BANP: variants seen among roughly 807,000 people sequenced by gnomAD.
BANP encodes the protein BTG3 associated nuclear protein.
BANP carries 11 observed loss-of-function variants against 68.1 expected under a neutral mutation model. That is an observed-to-expected ratio of 0.16 (90% CI 0.10 to 0.27). The LOEUF is 0.27. Ranked by LOEUF, BANP falls within the 10% of genes least tolerant of loss-of-function variation. The pLI, the probability that BANP is intolerant of heterozygous loss-of-function variation, is 1.00. For synonymous variants in BANP, 329 were observed against 303.2 expected, an observed-to-expected ratio of 1.09 and a Z score of -0.88; for missense variants, 504 against 722.7, an observed-to-expected ratio of 0.70 and a Z score of 3.47.
chr16:87,951,672 C>T (rs2056893637), intron 1 of BANP, among the ~76,000 whole-genome samples, 157 bp downstream of exon 1: 1 of 148,104 alleles, frequency 6.8e-6, no homozygotes, highest in Admixed American at 6.7e-5. Flanking sequence ...GCGATCGCCC[C>T]CCGGGCCCCG....
chr16:88,054,044 CCATCAT>C (rs373608000), intron 11 of BANP, among the ~76,000 whole-genome samples: 9 of 91,378 alleles, frequency 9.8e-5, no homozygotes, highest in African/African-American at 3.0e-4. Flanking sequence ...ACTGTCATCT[CCATCAT>C]CATCATCACC....
At chr16:87,997,219 A>G (rs1362705479) in intron 4 of BANP, among the ~76,000 whole-genome samples, 1 of 152,206 alleles carries the variant, frequency 6.6e-6, no homozygotes, top group South Asian at 2.1e-4. Flanking sequence ...TCAGCCTCCC[A>G]AAGTGTTGGG....
intron 6 of BANP, among the ~76,000 whole-genome samples, chr16:88,016,461 T>TC (rs1317742059): frequency 6.6e-6 from 1 of 152,028 alleles, no homozygotes; most frequent in African/African-American, 2.4e-5. Context: ...TGTTTCCCCT[T>TC]CCCCTCCCCA....
rs2070420456 is a variant in BANP, at chr16:88,004,619, G to T, written c.479+208G>T. ...AATGCTGAGTCCAGCCACACCAGGG[G>T]CAGCTGCCGCCGGGGACTTCTGTGT... On this transcript the variant is annotated intron_variant, in intron 5 of 13. Transcript: ENST00000682872. The surrounding 1 kb of genome is among the most constrained non-coding windows in gnomAD (Gnocchi z 7.0). Among the ~76,000 whole-genome samples, 1 of 152,178 alleles carries T rather than the reference G, an allele frequency of 6.6e-6. No homozygotes were observed. The highest frequency in any genetic ancestry group is 2.4e-5 in the African/African-American group (1 of 41,424).
chr16:88,049,686 C>G (rs532543321), intron 11 of BANP, among the ~76,000 whole-genome samples: 2 of 152,288 alleles, frequency 1.3e-5, no homozygotes, highest in Non-Finnish European at 2.9e-5. Flanking sequence ...AAACCAGTAT[C>G]TCTCGTAAAC....
intron 11 of BANP, among the ~76,000 whole-genome samples, chr16:88,044,361 C>T (rs1184662036): frequency 6.6e-6 from 1 of 152,178 alleles, no homozygotes; most frequent in Non-Finnish European, 1.5e-5. Context: ...CAGCTTTCCA[C>T]TGTGGTTCCA....
intron 1 of BANP, among the ~76,000 whole-genome samples, chr16:87,961,870 A>G (rs1394518320): frequency 6.6e-6 from 1 of 152,110 alleles, no homozygotes; most frequent in African/African-American, 2.4e-5. Context: ...TGTCTCTCAT[A>G]TCCCCACCAG....
chr16:88,013,546 T>G, intron 6 of BANP, among the ~76,000 whole-genome samples: 1 of 152,212 alleles, frequency 6.6e-6, no homozygotes, highest in South Asian at 2.1e-4. Flanking sequence ...GGACGGGCTC[T>G]CTCTCAGTGT....
At chr16:87,961,825 C>A (rs2059211353) in intron 1 of BANP, among the ~76,000 whole-genome samples, 1 of 152,136 alleles carries the variant, frequency 6.6e-6, no homozygotes, top group Non-Finnish European at 1.5e-5. Flanking sequence ...GGTTAGTGAT[C>A]ATGACAGGGC....
At chr16:88,012,174 C>T (rs754074040) in intron 6 of BANP, among the ~76,000 whole-genome samples, 5 of 152,176 alleles carry the variant, frequency 3.3e-5, no homozygotes, top group Admixed American at 6.5e-5. Context: ...CACGTCCTGG[C>T]GCTGGAAGCA....
rs910150074 is a variant in BANP at position 88,076,790 on chromosome 16, T to C, written c.*129T>C. Reference sequence around the variant, plus strand: ...CTGCTGAAGTGCGTCTGAAGGCCGCTGCCTCCGCGGGGAACAGCATCCTAT... The same window carrying C: ...CTGCTGAAGTGCGTCTGAAGGCCGCCGCCTCCGCGGGGAACAGCATCCTAT... On this transcript the variant is annotated 3_prime_UTR_variant, in exon 14 of 14. Transcript: ENST00000682872. 10 of 729,022 alleles carry C rather than the reference T, an allele frequency of 1.4e-5. No individual in the cohort carries two copies. The highest frequency in any genetic ancestry group is 2.2e-5 in the Non-Finnish European group (10 of 458,692). 45.2% of individuals were successfully genotyped at this position (729,022 alleles called of 1,614,324 possible).
rs572483399 is a variant in BANP, at chr16:88,063,677, A to G, written c.1312-1590A>G. Among the ~76,000 whole-genome samples, 324 of 152,306 alleles carry G rather than the reference A, an allele frequency of 2.1e-3. 3 individuals carry two copies. Among genetic ancestry groups the G allele is most frequent in the Non-Finnish European group, 3.3e-3 (225 of 68,022 alleles). On this transcript the variant is annotated intron_variant, in intron 11 of 13. Coordinates refer to ENST00000682872, the MANE Select transcript of BANP (RefSeq NM_001386991.1). ...TTGGGAAGCCGTGTTGCTGATCTCC[A>G]AGAGGGTTCTGCCCTCCTCTGGCTG...
chr16:88,005,416 G>A (rs2070708793), intron 5 of BANP, among the ~76,000 whole-genome samples: 1 of 152,162 alleles, frequency 6.6e-6, no homozygotes, highest in Non-Finnish European at 1.5e-5. Context: ...CTGCTGGTGC[G>A]TAGCAGTCCA....
rs949515279 is a variant in BANP, at chr16:88,057,371, C to T, written c.1312-7896C>T. ...CAGAGTAGCTGCCTGCGAAAGGAAACCTGGGCGTTACTGCTGCACCAGGAT... is the reference window on the plus strand; with the variant it reads ...CAGAGTAGCTGCCTGCGAAAGGAAATCTGGGCGTTACTGCTGCACCAGGAT... On this transcript the variant is annotated intron_variant, in intron 11 of 13. Coordinates refer to ENST00000682872, the MANE Select transcript of BANP (RefSeq NM_001386991.1). The surrounding 1 kb of genome is among the most constrained non-coding windows in gnomAD (Gnocchi z 4.6). Among the ~76,000 whole-genome samples the T allele has an allele frequency of 6.6e-6, 1 of 152,100 alleles. No individual in the cohort carries two copies. The highest frequency in any genetic ancestry group is 2.4e-5 in the African/African-American group (1 of 41,402).
At chr16:87,998,578 GGA>G (rs1436264609) in intron 4 of BANP, among the ~76,000 whole-genome samples, 1 of 93,112 alleles carries the variant, frequency 1.1e-5, no homozygotes, top group Non-Finnish European at 2.7e-5. Flanking sequence ...GTGCGCGGCT[GGA>G]CTCACCTGTC....
intron 11 of BANP, 57 bp downstream of exon 11, chr16:88,038,068 C>A: frequency 6.5e-7 from 1 of 1,547,116 alleles, no homozygotes; most frequent in Non-Finnish European, 8.9e-7. Context: ...GGATGGGGTT[C>A]TCAGGGGAGG....
In BANP at chr16:88,036,603, C is replaced by T. The variant is rs1289355661; in HGVS notation, c.1272+1209C>T. On this transcript the variant is annotated intron_variant, in intron 10 of 13. Coordinates refer to ENST00000682872, the MANE Select transcript of BANP (RefSeq NM_001386991.1). The surrounding 1 kb of genome is among the most constrained non-coding windows in gnomAD (Gnocchi z 4.2). ...GGTTATCCTGAGAGGGGAGCACATG[C>T]GTAAGGGTTCTGAGGGCGGAATGAG... Among the ~76,000 whole-genome samples the T allele has an allele frequency of 2.2e-4, 33 of 151,914 alleles. No homozygotes were observed. The highest frequency in any genetic ancestry group is 4.4e-5 in the Non-Finnish European group (3 of 67,980).
In BANP at chr16:88,072,174, C is replaced by G. The variant is rs2090507759; in HGVS notation, c.1483C>G (p.Gln495Glu). Residue 495 changes from glutamine (Q) to glutamate (E), a missense_variant, in exon 13 of 14, where the codon CAG (glutamine) becomes GAG (glutamate). Physicochemically the swap from Gln to Glu is conservative, Grantham distance 29 (BLOSUM62 2). Coordinates refer to ENST00000682872, the MANE Select transcript of BANP (RefSeq NM_001386991.1). ...QGSDIQVQYV[Q>E]LAPVSDHTAG... The stretch of plus-strand genomic sequence containing the variant: ...CAGCGACATCCAGGTTCAGTACGTG[C>G]AGCTGGCGCCAGTGAGTGACCACAC... The G allele has an allele frequency of 6.2e-7, 1 of 1,611,166 alleles. No homozygotes were observed. Among genetic ancestry groups the G allele is most frequent in the Admixed American group, 1.7e-5 (1 of 59,950 alleles).
chr16:87,962,720 A>C (rs1468677750), intron 1 of BANP, among the ~76,000 whole-genome samples: 1 of 152,158 alleles, frequency 6.6e-6, no homozygotes, highest in East Asian at 1.9e-4. Flanking sequence ...AATGACCCCA[A>C]GAGTAAGTGG....
Sources: allele counts gnomAD v4.1 joint callset (sites outside exome capture counted in the v4.1 genomes callset), GRCh38; gene constraint gnomAD v4.1.1; non-coding constraint Gnocchi (gnomAD v3.1); transcripts MANE v1.5; gene names NCBI Gene and HGNC (gene_info 2026-07-23, HGNC 2026-07-21).